SLC28A3: variants seen among roughly 807,000 people sequenced by gnomAD.
SLC28A3 encodes the protein solute carrier family 28 member 3, also known as concentrative Na(+)-nucleoside cotransporter 3.
In SLC28A3, 68 loss-of-function variants were observed where a neutral mutation model predicts 84.2. The ratio of observed to expected loss-of-function variants is 0.81; its 90% CI spans 0.66 to 0.99. The LOEUF (loss-of-function observed/expected upper bound fraction) is 0.99. SLC28A3 is among the 50% of genes least tolerant of loss of function. The pLI, the probability that SLC28A3 is intolerant of heterozygous loss-of-function variation, is 0.00. For missense variants in SLC28A3, 712 were observed against 841.5 expected (o/e 0.85, Z 1.90); for synonymous variants, 267 against 303.6 (o/e 0.88, Z 1.25).
At chr9:84,322,500 T>C (rs1011423335) in intron 1 of SLC28A3, among the ~76,000 whole-genome samples, 1 of 152,216 alleles carries the variant, frequency 6.6e-6, no homozygotes, top group Non-Finnish European at 1.5e-5. Flanking sequence ...CATCAAGCTC[T>C]TCTTTCCAAA....
At chr9:84,282,977 C>T (rs1409880760) in intron 14 of SLC28A3, among the ~76,000 whole-genome samples, 2 of 152,134 alleles carry the variant, frequency 1.3e-5, no homozygotes, top group Admixed American at 1.3e-4. Context: ...TGCAGTCTAC[C>T]CTTCCTGGAA....
rs1304212468 is a variant in SLC28A3, at chr9:84,340,699, C to G, written c.-66G>C. 6.3e-7 allele frequency: 1 copy of G among 1,591,014 alleles called. No individual in the cohort carries two copies. The highest frequency in any genetic ancestry group is 1.7e-5 in the Admixed American group (1 of 58,016). On this transcript the variant is annotated 5_prime_UTR_variant, in exon 1 of 18. Transcript: ENST00000376238. ...TGTACCTGGGAAAAAGCACCAGTCT[C>G]TGCTGATGTCAGAAAGCCACCTGCT...
At chr9:84,285,316 T>A in intron 14 of SLC28A3, 29 bp downstream of exon 14, 2 of 1,603,036 alleles carry the variant, frequency 1.2e-6, no homozygotes, top group Non-Finnish European at 1.7e-6. Flanking sequence ...GATGAAGAAA[T>A]GTACTGAGAA....
chr9:84,295,088 C>A (rs1296564631), intron 8 of SLC28A3, among the ~76,000 whole-genome samples: 1 of 152,178 alleles, frequency 6.6e-6, no homozygotes, highest in African/African-American at 2.4e-5. Context: ...AACCCTATGT[C>A]TCATTTGCTG....
chr9:84,316,466 T>C (rs1400845286), intron 1 of SLC28A3, among the ~76,000 whole-genome samples: 2 of 152,168 alleles, frequency 1.3e-5, no homozygotes, highest in Non-Finnish European at 1.5e-5. Flanking sequence ...TTCCTCTGTC[T>C]TGCTGCCCAG....
intron 14 of SLC28A3, among the ~76,000 whole-genome samples, chr9:84,282,316 T>C (rs1184252825): frequency 6.6e-6 from 1 of 151,742 alleles, no homozygotes; most frequent in East Asian, 1.9e-4. Flanking sequence ...ACAGAGATGA[T>C]AGTCTATATG....
the SLC28A3 span, among the ~76,000 whole-genome samples, chr9:84,354,044 A>T: frequency 6.6e-6 from 1 of 152,236 alleles, no homozygotes; most frequent in Non-Finnish European, 1.5e-5. Context: ...TAGTATAGGA[A>T]TGTGGCTCAA....
At chr9:84,305,406 A>G (rs12337391) in intron 3 of SLC28A3, 61 bp from the exon 4 acceptor site, 7 of 1,350,246 alleles carry the variant, frequency 5.2e-6, no homozygotes, top group Admixed American at 3.5e-5. Context: ...AATAAACTGC[A>G]TGGTGAGGCT....
intron 1 of SLC28A3, among the ~76,000 whole-genome samples, chr9:84,324,731 C>G (rs147042616): frequency 1.3e-5 from 2 of 152,092 alleles, no homozygotes; most frequent in Non-Finnish European, 2.9e-5. Context: ...GGGAATAGCA[C>G]CCGTCAGTGA....
chr9:84,279,901 C>T lies in SLC28A3; in HGVS notation c.1828+74G>A, dbSNP rs900857860. Reference sequence around the variant, plus strand: ...TGGCAGCGTGTGCTGCACATGCAAGCTGGAGGCACTGCCTGTCCTGAAAGC... The same window carrying T: ...TGGCAGCGTGTGCTGCACATGCAAGTTGGAGGCACTGCCTGTCCTGAAAGC... On this transcript the variant is annotated intron_variant, in intron 16 of 17. Transcript: ENST00000376238. The T allele has an allele frequency of 7.0e-6, 10 of 1,429,722 alleles. No individual in the cohort carries two copies. In the East Asian group the frequency reaches 2.4e-4, roughly 34 times the overall value. The allele number at this position is 1,429,722 out of a possible 1,614,324, so 88.6% of individuals were successfully genotyped here. A position where few individuals can be genotyped will look rare whatever the true frequency, so the allele number is the denominator to read the frequency against.
At chr9:84,323,955 C>T (rs1826465657) in intron 1 of SLC28A3, among the ~76,000 whole-genome samples, 1 of 152,206 alleles carries the variant, frequency 6.6e-6, no homozygotes. Context: ...CAAGCTACCT[C>T]TCCTACCCAC....
chr9:84,342,144 AG>A (rs33954403), upstream of SLC28A3, among the ~76,000 whole-genome samples: 3,624 of 103,002 alleles, frequency 0.035, 169 homozygotes, highest in East Asian at 0.16. Context: ...AAAAAAAAAA[AG>A]AAAAGAAAAA....
chr9:84,332,018 A>G (rs186194976), intron 1 of SLC28A3, among the ~76,000 whole-genome samples: 8 of 152,330 alleles, frequency 5.3e-5, no homozygotes, highest in Non-Finnish European at 1.0e-4. Flanking sequence ...AAAAATAATA[A>G]TGCCAAAATA....
the SLC28A3 span, among the ~76,000 whole-genome samples, chr9:84,359,323 A>G: frequency 1.3e-5 from 2 of 152,202 alleles, no homozygotes; most frequent in African/African-American, 4.8e-5. Context: ...TCACTTCTAG[A>G]AATCTGTCTT....
At chr9:84,317,115 C>T (rs1454426949) in intron 1 of SLC28A3, among the ~76,000 whole-genome samples, 1 of 152,160 alleles carries the variant, frequency 6.6e-6, no homozygotes, top group Non-Finnish European at 1.5e-5. Context: ...AATCACTTGA[C>T]TTGGGTTGTG....
chr9:84,340,513 G>C, intron 1 of SLC28A3, 61 bp downstream of exon 1: 1 of 1,568,598 alleles, frequency 6.4e-7, no homozygotes, highest in South Asian at 1.1e-5. Flanking sequence ...TTGCCAAGGG[G>C]CTAAGGAAAG....
intron 4 of SLC28A3, among the ~76,000 whole-genome samples, chr9:84,303,683 G>A (rs184332624): frequency 3.3e-5 from 5 of 152,246 alleles, no homozygotes; most frequent in African/African-American, 1.2e-4. Context: ...ATATGAGACC[G>A]CTGACTCTGG....
At chr9:84,292,372 A>G (rs1564151284) in intron 10 of SLC28A3, among the ~76,000 whole-genome samples, 1 of 152,126 alleles carries the variant, frequency 6.6e-6, no homozygotes. Context: ...ACAACCTTCC[A>G]TCCTCTTCAT....
chr9:84,364,789 A>G, the SLC28A3 span, among the ~76,000 whole-genome samples: 1 of 152,024 alleles, frequency 6.6e-6, no homozygotes, highest in African/African-American at 2.4e-5. Flanking sequence ...TTCTGTGCCT[A>G]GCTTATTTCA....
Sources: gnomAD v4.1 joint callset for allele counts (sites outside exome capture counted in the v4.1 genomes callset) on GRCh38, gnomAD v4.1.1 for gene constraint, MANE v1.5 for transcripts, NCBI Gene and HGNC (gene_info 2026-07-23, HGNC 2026-07-21) for gene names.